The following AFF3 variants were observed in gnomAD, a reference collection of about 807,000 sequenced individuals.
AFF3 encodes the protein ALF transcription elongation factor 3.
A neutral mutation model predicts 129.7 loss-of-function variants in AFF3; 32 were observed. The ratio of observed to expected loss-of-function variants is 0.25; its 90% CI spans 0.19 to 0.33. The LOEUF is 0.33. AFF3 is among the 10% of genes least tolerant of loss of function. AFF3 has a pLI of 1.00. For synonymous variants in AFF3, 644 were observed against 635.4 expected (o/e 1.01, Z -0.20); for missense variants, 1,373 against 1,592.0 (o/e 0.86, Z 2.34).
At chr2:99,894,969 G>A (rs1203330992) in intron 7 of AFF3, among the ~76,000 whole-genome samples, 1 of 152,148 alleles carries the variant, frequency 6.6e-6, no homozygotes, top group East Asian at 1.9e-4. Context: ...GCTATGTACA[G>A]GTGTGGCAGC....
At position 99,549,022 on chromosome 2, in the gene AFF3, T is replaced by G. The variant is rs1674226038; in HGVS notation, c.*2452A>C. The G allele has an allele frequency of 4.4e-6, 1 of 229,598 alleles. No individual in the cohort carries two copies. Among genetic ancestry groups the G allele is most frequent in the Admixed American group, 5.7e-5 (1 of 17,676 alleles). 14.2% of individuals were successfully genotyped at this position (229,598 alleles called of 1,614,324 possible). On this transcript the variant is annotated 3_prime_UTR_variant, in exon 25 of 25. Coordinates refer to ENST00000672756, the MANE Select transcript of AFF3 (RefSeq NM_001386135.1). ...CATCAGAGTGCTGATAAAACACTGCTGGCCCACCTGTCAAATGGGGCTTCA... is the reference window on the plus strand; with the variant it reads ...CATCAGAGTGCTGATAAAACACTGCGGGCCCACCTGTCAAATGGGGCTTCA...
At chr2:99,732,746 CTT>C (rs1201399157) in intron 10 of AFF3, among the ~76,000 whole-genome samples, 1 of 152,188 alleles carries the variant, frequency 6.6e-6, no homozygotes, top group African/African-American at 2.4e-5. Flanking sequence ...GGCCTTAAGA[CTT>C]CCATATGGCC....
chr2:99,681,525 T>C (rs1417861199), intron 11 of AFF3, among the ~76,000 whole-genome samples: 2 of 152,194 alleles, frequency 1.3e-5, no homozygotes, highest in African/African-American at 4.8e-5. Context: ...AATGTGATAG[T>C]ATTCAGAGAT....
intron 14 of AFF3, among the ~76,000 whole-genome samples, chr2:99,596,283 G>A (rs936227154): frequency 2.6e-5 from 4 of 152,270 alleles, no homozygotes; most frequent in African/African-American, 7.2e-5. Flanking sequence ...TGCATGTGGC[G>A]GTGGCAGATG....
chr2:100,040,923 C>T (rs1168041066), intron 4 of AFF3, among the ~76,000 whole-genome samples: 1 of 152,214 alleles, frequency 6.6e-6, no homozygotes, highest in African/African-American at 2.4e-5. Context: ...GGCTCACAGT[C>T]AAGCCATCAT....
At position 99,548,430 on chromosome 2, in the gene AFF3, C is replaced by T. The variant is rs1229707823; in HGVS notation, c.*3044G>A. On this transcript the variant is annotated 3_prime_UTR_variant, in exon 25 of 25. Coordinates refer to ENST00000672756, the MANE Select transcript of AFF3 (RefSeq NM_001386135.1). ...AGATATTACTTTTCTAATTAGAAAA[C>T]ACAAGAAAGGTATTTCAACTTGAAA... 1 of 196,172 alleles carries T rather than the reference C, an allele frequency of 5.1e-6. No homozygotes were observed. The highest frequency in any genetic ancestry group is 1.1e-5 in the Non-Finnish European group (1 of 94,502). The allele number at this position is 196,172 out of a possible 1,614,324, so 12.2% of individuals were successfully genotyped here. A position where few individuals can be genotyped will look rare whatever the true frequency, so the allele number is the denominator to read the frequency against.
At chr2:99,956,327 T>C (rs1176130049) in intron 7 of AFF3, among the ~76,000 whole-genome samples, 2 of 152,128 alleles carry the variant, frequency 1.3e-5, no homozygotes, top group African/African-American at 2.4e-5. Context: ...CCCTCCTTTA[T>C]TGACGTGGGG....
At chr2:100,011,443 T>C in intron 4 of AFF3, 2 of 780,496 alleles carry the variant, frequency 2.6e-6, no homozygotes, top group East Asian at 2.4e-5. Context: ...AGGCAGGTGG[T>C]CATTGAGAAT....
At chr2:99,624,617 CCT>C (rs1682366965) in intron 13 of AFF3, among the ~76,000 whole-genome samples, 1 of 152,182 alleles carries the variant, frequency 6.6e-6, no homozygotes, top group South Asian at 2.1e-4. Flanking sequence ...CCCGTTGCCT[CCT>C]GTTATTAGAG....
chr2:99,888,120 C>T (rs141156482), intron 7 of AFF3, among the ~76,000 whole-genome samples: 228 of 152,300 alleles, frequency 1.5e-3, no homozygotes, highest in Admixed American at 3.4e-3. Context: ...TACTTTTCAT[C>T]ATCCCCAAGA....
rs911758831 is a variant in AFF3, at chr2:100,125,832, G to C, written c.-145+3392C>G. ...ATCCAGCTGGCTGGAGCACAGCAGG[G>C]GGTGGGTGACAGGCTCCGCGTGAGC... On this transcript the variant is annotated intron_variant, in intron 2 of 24. Transcript: ENST00000672756. Among the ~76,000 whole-genome samples, 10 of 152,208 alleles carry C rather than the reference G, an allele frequency of 6.6e-5. No homozygotes were observed. In the South Asian group the frequency reaches 2.1e-3, roughly 32 times the overall value.
At chr2:99,826,787 A>T (rs1688114374) in intron 8 of AFF3, among the ~76,000 whole-genome samples, 1 of 152,174 alleles carries the variant, frequency 6.6e-6, no homozygotes. Context: ...AACTCAGGGG[A>T]GAGCCACGAA....
intron 4 of AFF3, among the ~76,000 whole-genome samples, chr2:100,014,202 C>T (rs1218337857): frequency 6.6e-6 from 1 of 151,836 alleles, no homozygotes; most frequent in African/African-American, 2.4e-5. Context: ...CAATTGTATC[C>T]CTTGACTAGA....
intron 7 of AFF3, among the ~76,000 whole-genome samples, chr2:99,889,985 A>C (rs1693424834): frequency 6.6e-6 from 1 of 152,138 alleles, no homozygotes; most frequent in Non-Finnish European, 1.5e-5. Flanking sequence ...TTTAATGGTA[A>C]ATCTGCCCCT....
At chr2:100,012,696 T>C (rs1273073749) in intron 4 of AFF3, among the ~76,000 whole-genome samples, 1 of 152,222 alleles carries the variant, frequency 6.6e-6, no homozygotes, top group Non-Finnish European at 1.5e-5. Context: ...AATGTGAAGA[T>C]CATGCTTTAA....
chr2:99,705,805 C>T (rs1485528694), intron 11 of AFF3, among the ~76,000 whole-genome samples: 12 of 128,914 alleles, frequency 9.3e-5, no homozygotes, highest in African/African-American at 1.2e-4. Flanking sequence ...ACCCAGGAGG[C>T]GGAGGTTGCA....
intron 7 of AFF3, among the ~76,000 whole-genome samples, chr2:100,002,211 T>A (rs988512535): frequency 6.6e-6 from 1 of 152,250 alleles, no homozygotes; most frequent in Non-Finnish European, 1.5e-5. Context: ...ATATGTAATG[T>A]ACACATTGCT....
At chr2:99,986,334 G>A (rs17023359) in intron 7 of AFF3, among the ~76,000 whole-genome samples, 1,983 of 151,514 alleles carry the variant, frequency 0.013, 54 homozygotes, top group African/African-American at 0.046. Flanking sequence ...CTCTTCAAGC[G>A]GCAAAATCCA....
intron 8 of AFF3, among the ~76,000 whole-genome samples, chr2:99,791,057 C>T (rs1685154190): frequency 6.6e-6 from 1 of 152,126 alleles, no homozygotes; most frequent in African/African-American, 2.4e-5. Context: ...GAGTATATTC[C>T]ATCTTTTTCT....
Sources: gnomAD v4.1 joint callset for allele counts (sites outside exome capture counted in the v4.1 genomes callset) on GRCh38, gnomAD v4.1.1 for gene constraint, MANE v1.5 for transcripts, NCBI Gene and HGNC (gene_info 2026-07-23, HGNC 2026-07-21) for gene names.